NREP: variants seen among roughly 807,000 people sequenced by gnomAD.
NREP encodes neuronal regeneration related protein, also known as neuronal regeneration-related protein.
A neutral mutation model predicts 8.6 loss-of-function variants in NREP; 5 were observed. The ratio of observed to expected loss-of-function variants is 0.58; its 90% confidence interval spans 0.30 to 1.22. NREP has a LOEUF of 1.22. Ranked by LOEUF, NREP falls within the 50% of genes most tolerant of loss-of-function variation. NREP has a pLI of 0.07. For missense variants in NREP, 86 were observed against 82.5 expected (o/e 1.04, Z -0.17); for synonymous variants, 27 against 28.0 (o/e 0.96, Z 0.11).
At chr5:111,930,872 G>A (rs1294999859) in intron 2 of NREP, among the ~76,000 whole-genome samples, 1 of 152,082 alleles carries the variant, frequency 6.6e-6, no homozygotes, top group African/African-American at 2.4e-5. Flanking sequence ...TTCCAGGAAA[G>A]GTTTCCTTAC....
chr5:111,961,151 A>AT (rs55769562), intron 2 of NREP, among the ~76,000 whole-genome samples: 4,950 of 152,310 alleles, frequency 0.032, 116 homozygotes, highest in Non-Finnish European at 0.046. Flanking sequence ...TCAAGGCCAC[A>AT]TAAGTAGTTA....
intron 2 of NREP, among the ~76,000 whole-genome samples, chr5:111,934,422 A>G (rs1174110277): frequency 6.6e-6 from 1 of 152,098 alleles, no homozygotes; most frequent in Non-Finnish European, 1.5e-5. Context: ...GGAAGTGGAA[A>G]ATAGGGGAAG....
At position 111,766,363 on chromosome 5, in the gene NREP, G is replaced by A. The variant is rs545427748; in HGVS notation, c.136-30856C>T. On this transcript the variant is annotated intron_variant, in intron 2 of 3. Transcript: ENST00000395634. ...AAAATTGTCAGGTTTCCATTTGCAC[G>A]GATTTGCCTCATTTTGCATCAAAAC... Among the ~76,000 whole-genome samples, 27 of 152,220 alleles carry A rather than the reference G, an allele frequency of 1.8e-4. No homozygotes were observed. In the South Asian group the frequency reaches 3.9e-3, roughly 22 times the overall value.
intron 2 of NREP, among the ~76,000 whole-genome samples, chr5:111,932,005 T>C (rs1259947846): frequency 6.6e-6 from 1 of 151,802 alleles, no homozygotes; most frequent in Non-Finnish European, 1.5e-5. Flanking sequence ...CCAAACTTTC[T>C]TACAGAAAAA....
At chr5:111,733,709 C>T (rs1305888843) in intron 3 of NREP, 1 of 152,058 alleles carries the variant, frequency 6.6e-6, no homozygotes, top group Non-Finnish European at 1.5e-5. Context: ...GTATTTGTGC[C>T]AACAGAGCTG....
chr5:111,939,392 G>A (rs186082685), intron 2 of NREP, among the ~76,000 whole-genome samples: 56 of 152,128 alleles, frequency 3.7e-4, no homozygotes, highest in African/African-American at 1.2e-3. Context: ...CCCTTTTAAA[G>A]ATACTTTAGA....
chr5:111,886,852 T>C (rs1173891041), intron 2 of NREP, among the ~76,000 whole-genome samples: 1 of 151,920 alleles, frequency 6.6e-6, no homozygotes, highest in Non-Finnish European at 1.5e-5. Flanking sequence ...GGGATAGCAT[T>C]AGGAGATAGA....
At chr5:111,926,290 G>T (rs562942442) in intron 2 of NREP, among the ~76,000 whole-genome samples, 2 of 152,070 alleles carry the variant, frequency 1.3e-5, no homozygotes. Context: ...GGATAATGGG[G>T]ACAAGAGGAG....
chr5:111,794,841 T>C (rs931797601), intron 2 of NREP, among the ~76,000 whole-genome samples: 4 of 152,090 alleles, frequency 2.6e-5, no homozygotes, highest in Non-Finnish European at 5.9e-5. Context: ...TTGGTGACAA[T>C]GATGTGTCAG....
chr5:111,744,635 G>A (rs1289861210), intron 2 of NREP, among the ~76,000 whole-genome samples: 6 of 152,056 alleles, frequency 3.9e-5, no homozygotes, highest in Non-Finnish European at 8.8e-5. Flanking sequence ...TAAGTAGAGG[G>A]CTTCTCTCTG....
intron 2 of NREP, among the ~76,000 whole-genome samples, chr5:111,954,368 G>C (rs1350169897): frequency 6.6e-6 from 1 of 152,110 alleles, no homozygotes; most frequent in East Asian, 1.9e-4. Flanking sequence ...AATAGGAAAA[G>C]GAAATGCTTC....
chr5:111,842,631 A>G (rs1753058578), intron 2 of NREP, among the ~76,000 whole-genome samples: 1 of 152,160 alleles, frequency 6.6e-6, no homozygotes. Context: ...TATCATTACA[A>G]TATTAGAGTG....
At chr5:111,755,621 G>C (rs1401008897) in intron 2 of NREP, 149 bp downstream of exon 2, 3 of 833,072 alleles carry the variant, frequency 3.6e-6, no homozygotes, top group South Asian at 3.0e-5. Context: ...GTACTGCAAC[G>C]CTCCCAGGAA....
intron 2 of NREP, among the ~76,000 whole-genome samples, chr5:111,780,714 A>G (rs577701420): frequency 6.6e-6 from 1 of 152,314 alleles, no homozygotes; most frequent in South Asian, 2.1e-4. Context: ...CAGAAAAAGC[A>G]GGAGCTAATA....
At chr5:111,905,079 A>T in intron 2 of NREP, among the ~76,000 whole-genome samples, 1 of 152,044 alleles carries the variant, frequency 6.6e-6, no homozygotes, top group East Asian at 1.9e-4. Flanking sequence ...CACTCTGTAA[A>T]TTCCCTTATG....
chr5:111,975,179 G>A, intron 2 of NREP: 2 of 806,374 alleles, frequency 2.5e-6, no homozygotes, highest in South Asian at 1.6e-5. Context: ...GGGAATGACT[G>A]CACCAGTTCA....
At chr5:111,934,079 G>T (rs1445707876) in intron 2 of NREP, among the ~76,000 whole-genome samples, 5 of 152,074 alleles carry the variant, frequency 3.3e-5, no homozygotes, top group Non-Finnish European at 7.4e-5. Context: ...CAAATAGTAT[G>T]CAGAGGAGGG....
At chr5:111,757,786 C>T (rs979881763), upstream of NREP, 160 of 975,910 alleles carry the variant, frequency 1.6e-4, no homozygotes, top group Non-Finnish European at 1.8e-4. Flanking sequence ...CCCGGCCAGC[C>T]TCTCCGCCTC....
At chr5:111,742,936 T>G (rs1365349480) in intron 2 of NREP, among the ~76,000 whole-genome samples, 1 of 152,146 alleles carries the variant, frequency 6.6e-6, no homozygotes, top group East Asian at 1.9e-4. Context: ...GAGGTCAGCC[T>G]GGTACAGTAA....
Sources: allele counts gnomAD v4.1 joint callset (sites outside exome capture counted in the v4.1 genomes callset), GRCh38; gene constraint gnomAD v4.1.1; transcripts MANE v1.5; gene names NCBI Gene and HGNC (gene_info 2026-07-23, HGNC 2026-07-21).